KHDRBS2: variants seen among roughly 807,000 people sequenced by gnomAD.
KHDRBS2 encodes the protein KH RNA binding domain containing, signal transduction associated 2, also known as KH domain-containing, RNA-binding, signal transduction-associated protein 2.
KHDRBS2 carries 26 observed loss-of-function variants against 44.3 expected under a neutral mutation model. The ratio of observed to expected loss-of-function variants is 0.59; its 90% confidence interval spans 0.43 to 0.81. KHDRBS2 has a LOEUF of 0.81. Among genes scored for constraint, KHDRBS2 ranks in the 40% least tolerant of loss-of-function variants. The probability of loss-of-function intolerance (pLI) is 0.00; values close to 1 mark genes in which losing one functional copy is unlikely to be tolerated. For synonymous variants in KHDRBS2, 194 were observed against 151.1 expected (o/e 1.28, Z -2.08); for missense variants, 476 against 433.1 (o/e 1.10, Z -0.88).
intron 2 of KHDRBS2, among the ~76,000 whole-genome samples, chr6:62,121,380 C>T (rs1309949172): frequency 6.6e-6 from 1 of 152,220 alleles, no homozygotes; most frequent in South Asian, 2.1e-4. Context: ...CCCTGTTCGA[C>T]TCTCCTATTT....
At chr6:62,067,228 A>G (rs1464425576) in intron 2 of KHDRBS2, among the ~76,000 whole-genome samples, 1 of 151,572 alleles carries the variant, frequency 6.6e-6, no homozygotes, top group Non-Finnish European at 1.5e-5. Flanking sequence ...AAAACTAAAC[A>G]GGAAATCCAA....
chr6:61,556,079 A>G, the KHDRBS2 span, among the ~76,000 whole-genome samples: 1 of 152,196 alleles, frequency 6.6e-6, no homozygotes, highest in East Asian at 1.9e-4. Context: ...GCCTGCATCC[A>G]TGTGGGCATT....
chr6:61,997,028 A>G (rs1382771798), intron 3 of KHDRBS2, among the ~76,000 whole-genome samples: 1 of 152,068 alleles, frequency 6.6e-6, no homozygotes, highest in East Asian at 1.9e-4. Flanking sequence ...TGATCCGCCC[A>G]CCTTGGCCTC....
the KHDRBS2 span, among the ~76,000 whole-genome samples, chr6:61,593,683 G>T: frequency 6.6e-6 from 1 of 152,160 alleles, no homozygotes; most frequent in South Asian, 2.1e-4. Flanking sequence ...TTTTCATAAG[G>T]ACTTTTGAAT....
chr6:61,697,883 T>G (rs1768093835), intron 7 of KHDRBS2, among the ~76,000 whole-genome samples: 2 of 152,246 alleles, frequency 1.3e-5, no homozygotes, highest in Middle Eastern at 6.8e-3. Flanking sequence ...CTGCATCCAC[T>G]TCCCCCTTTA....
At chr6:61,557,784 A>G in the KHDRBS2 span, among the ~76,000 whole-genome samples, 122,812 of 152,068 alleles carry the variant, frequency 0.81, 50,094 homozygotes, top group African/African-American at 0.91. Flanking sequence ...TTTCCTTTGC[A>G]GAGAGACTTT....
chr6:61,900,406 A>G (rs1357797824), intron 5 of KHDRBS2, among the ~76,000 whole-genome samples: 3 of 152,158 alleles, frequency 2.0e-5, no homozygotes, highest in African/African-American at 7.2e-5. Flanking sequence ...TTAGAGATTT[A>G]AAAGCCAATT....
At chr6:62,170,837 C>T (rs562649507) in intron 2 of KHDRBS2, among the ~76,000 whole-genome samples, 7 of 152,148 alleles carry the variant, frequency 4.6e-5, no homozygotes, top group East Asian at 3.9e-4. Flanking sequence ...GAGCATGTAG[C>T]CCAGGAGTGC....
chr6:62,206,428 T>G (rs1827986966), intron 1 of KHDRBS2, among the ~76,000 whole-genome samples: 1 of 152,074 alleles, frequency 6.6e-6, no homozygotes, highest in Non-Finnish European at 1.5e-5. Context: ...TCAGATGCCT[T>G]GTTATTAATA....
the KHDRBS2 span, among the ~76,000 whole-genome samples, chr6:61,594,888 C>A: frequency 6.6e-6 from 1 of 152,032 alleles, no homozygotes. Context: ...AAAATAGGAT[C>A]ACAAATCACT....
At chr6:62,116,500 A>G (rs1172628822) in intron 2 of KHDRBS2, among the ~76,000 whole-genome samples, 1 of 152,122 alleles carries the variant, frequency 6.6e-6, no homozygotes, top group Non-Finnish European at 1.5e-5. Flanking sequence ...ACAATTGTAC[A>G]TATTTATGGG....
intron 4 of KHDRBS2, among the ~76,000 whole-genome samples, chr6:61,931,223 C>A (rs1420704148): frequency 6.6e-6 from 1 of 152,142 alleles, no homozygotes; most frequent in African/African-American, 2.4e-5. Flanking sequence ...TCCTTACATA[C>A]TACATGAAAG....
At chr6:62,259,264 C>T (rs1158719567) in intron 1 of KHDRBS2, among the ~76,000 whole-genome samples, 1 of 151,702 alleles carries the variant, frequency 6.6e-6, no homozygotes, top group African/African-American at 2.4e-5. Context: ...ATATACATTC[C>T]AATATTTATG....
intron 2 of KHDRBS2, among the ~76,000 whole-genome samples, chr6:62,106,470 G>A (rs189323952): frequency 1.3e-5 from 2 of 152,134 alleles, no homozygotes; most frequent in Admixed American, 1.3e-4. Context: ...CTCCTGTATT[G>A]GGTGCATACA....
chr6:61,572,197 G>A, the KHDRBS2 span, among the ~76,000 whole-genome samples: 1 of 151,962 alleles, frequency 6.6e-6, no homozygotes, highest in African/African-American at 2.4e-5. Context: ...ACACCTTTAT[G>A]AGCACAAACT....
chr6:61,865,392 G>A (rs778537540), intron 6 of KHDRBS2, among the ~76,000 whole-genome samples: 14 of 152,162 alleles, frequency 9.2e-5, no homozygotes, highest in African/African-American at 1.4e-4. Flanking sequence ...GCAAGGAGGA[G>A]TAAGTCATGT....
In KHDRBS2 at chr6:61,902,474, G is replaced by T. The variant is rs557796678; in HGVS notation, c.484-1103C>A. On this transcript the variant is annotated intron_variant, in intron 4 of 8. Coordinates refer to ENST00000281156, the MANE Select transcript of KHDRBS2 (RefSeq NM_152688.4). ...TAAATGCTACCTTCAAAAAACAAGT[G>T]CCAGTATCACCTGTTTCTCTTTTTA... Among the ~76,000 whole-genome samples the T allele has an allele frequency of 2.6e-5, 4 of 151,902 alleles. No individual in the cohort carries two copies. The Middle Eastern group carries it at 0.01, about 388-fold the overall frequency.
chr6:61,580,576 C>T, the KHDRBS2 span, among the ~76,000 whole-genome samples: 2 of 152,144 alleles, frequency 1.3e-5, no homozygotes, highest in Non-Finnish European at 1.5e-5. Context: ...AGCTGTAATA[C>T]TCAGGGTGAG....
intron 2 of KHDRBS2, among the ~76,000 whole-genome samples, chr6:62,069,556 A>G (rs1794511417): frequency 6.6e-6 from 1 of 151,776 alleles, no homozygotes; most frequent in Non-Finnish European, 1.5e-5. Flanking sequence ...AAGGTTTATG[A>G]TACTACATTT....
Sources: allele counts gnomAD v4.1 joint callset (sites outside exome capture counted in the v4.1 genomes callset), GRCh38; gene constraint gnomAD v4.1.1; transcripts MANE v1.5; gene names NCBI Gene and HGNC (gene_info 2026-07-23, HGNC 2026-07-21).